LYPLAL1: variants seen among roughly 807,000 people sequenced by gnomAD.
LYPLAL1 encodes the protein lysophospholipase like 1.
A neutral mutation model predicts 19.7 loss-of-function variants in LYPLAL1; 23 were observed. The observed-to-expected ratio is 1.17, with a 90% CI of 0.84 to 1.65. LYPLAL1 has a LOEUF of 1.65. LYPLAL1 is among the 40% of genes most tolerant of loss of function. The probability of loss-of-function intolerance (pLI) is 0.00; values close to 1 mark genes in which losing one functional copy is unlikely to be tolerated. For synonymous variants in LYPLAL1, 119 were observed against 96.3 expected (o/e 1.24, Z -1.38); for missense variants, 355 against 279.4 (o/e 1.27, Z -1.93).
chr1:219,373,882 CAAA>C, the LYPLAL1 span, among the ~76,000 whole-genome samples: 36 of 119,596 alleles, frequency 3.0e-4, no homozygotes, highest in African/African-American at 1.1e-3. Flanking sequence ...AAAAAAAAAA[CAAA>C]AAAAAAAACA....
chr1:219,293,334 AT>A, the LYPLAL1 span, among the ~76,000 whole-genome samples: 3 of 152,198 alleles, frequency 2.0e-5, no homozygotes, highest in African/African-American at 7.2e-5. Context: ...CCCCAAAAAA[AT>A]AGGTTGATTA....
At chr1:219,439,978 T>TATATATAC in the LYPLAL1 span, among the ~76,000 whole-genome samples, 6 of 66,092 alleles carry the variant, frequency 9.1e-5, no homozygotes, top group African/African-American at 3.4e-4. Flanking sequence ...TATATACATA[T>TATATATAC]ATATATATAT....
intron 2 of LYPLAL1, among the ~76,000 whole-genome samples, 158 bp from the exon 3 acceptor site, chr1:219,192,924 A>G (rs1380342193): frequency 2.6e-5 from 4 of 151,760 alleles, no homozygotes; most frequent in Non-Finnish European, 5.9e-5. Context: ...TAGTTAATAC[A>G]ATATACATGA....
rs1343209063 is a variant in LYPLAL1 at position 219,193,109 on chromosome 1, C to T, written c.219C>T (p.Ile73=). Residue 73 remains isoleucine (I), a synonymous_variant, in exon 3 of 5, where the codon ATC becomes ATT. Transcript: ENST00000366928. ...PRSYTPMKGG[I]SNVWFDRFKI... ...CATATACTCCTATGAAAGGAGGAAT[C>T]TCCAATGTATGGTTTGACAGATTTA... is the stretch of plus-strand genomic sequence containing the variant. The T allele has an allele frequency of 4.4e-6, 7 of 1,586,690 alleles. No homozygotes were observed. Among genetic ancestry groups the T allele is most frequent in the Middle Eastern group, 1.7e-4 (1 of 5,948 alleles).
the LYPLAL1 span, among the ~76,000 whole-genome samples, chr1:219,440,215 A>G: frequency 6.6e-6 from 1 of 151,802 alleles, no homozygotes; most frequent in African/African-American, 2.4e-5. Flanking sequence ...TGTAACGTAG[A>G]TTAGATTAAG....
At chr1:219,323,358 G>C in the LYPLAL1 span, among the ~76,000 whole-genome samples, 3 of 152,298 alleles carry the variant, frequency 2.0e-5, no homozygotes, top group South Asian at 6.2e-4. Context: ...CAATAGTCCT[G>C]GTTTCTCAGG....
the LYPLAL1 span, among the ~76,000 whole-genome samples, chr1:219,398,301 C>T: frequency 6.6e-6 from 1 of 152,172 alleles, no homozygotes; most frequent in African/African-American, 2.4e-5. Flanking sequence ...TTCAGAAAGA[C>T]AGTCTTCAGG....
At chr1:219,278,994 A>G in the LYPLAL1 span, among the ~76,000 whole-genome samples, 1 of 152,194 alleles carries the variant, frequency 6.6e-6, no homozygotes, top group African/African-American at 2.4e-5. Context: ...CTCAAGGTTG[A>G]GAATTCCTGG....
At chr1:219,260,223 C>T in the LYPLAL1 span, among the ~76,000 whole-genome samples, 1 of 151,656 alleles carries the variant, frequency 6.6e-6, no homozygotes, top group African/African-American at 2.4e-5. Flanking sequence ...CCATTAAAAT[C>T]AGAGGCATTA....
chr1:219,186,838 T>G (rs1050145769), intron 2 of LYPLAL1, among the ~76,000 whole-genome samples: 1 of 151,972 alleles, frequency 6.6e-6, no homozygotes, highest in Admixed American at 6.6e-5. Flanking sequence ...GTGATTTGTT[T>G]AAGCAATTTA....
At chr1:219,353,579 T>G in the LYPLAL1 span, among the ~76,000 whole-genome samples, 1 of 152,222 alleles carries the variant, frequency 6.6e-6, no homozygotes, top group Non-Finnish European at 1.5e-5. Flanking sequence ...AGGAAAGCTA[T>G]GTTAGACACA....
At chr1:219,342,964 T>C in the LYPLAL1 span, among the ~76,000 whole-genome samples, 1 of 152,198 alleles carries the variant, frequency 6.6e-6, no homozygotes, top group East Asian at 1.9e-4. Context: ...GTTTATTTCA[T>C]GGATGAGGTT....
chr1:219,352,457 G>T, the LYPLAL1 span, among the ~76,000 whole-genome samples: 1 of 152,210 alleles, frequency 6.6e-6, no homozygotes, highest in Non-Finnish European at 1.5e-5. Context: ...GGTGGAGCTT[G>T]CAGTAAGCCG....
the LYPLAL1 span, among the ~76,000 whole-genome samples, chr1:219,429,361 C>T: frequency 2.0e-5 from 3 of 152,122 alleles, no homozygotes; most frequent in Non-Finnish European, 4.4e-5. Flanking sequence ...CAGTGACAGT[C>T]GGGGTGAGAA....
chr1:219,383,500 T>C, the LYPLAL1 span, among the ~76,000 whole-genome samples: 1 of 152,202 alleles, frequency 6.6e-6, no homozygotes, highest in Non-Finnish European at 1.5e-5. Context: ...CTCAGAAATA[T>C]GCACAGGCCA....
the LYPLAL1 span, among the ~76,000 whole-genome samples, chr1:219,442,291 A>ATGTTT: frequency 1.3e-5 from 2 of 152,188 alleles, no homozygotes; most frequent in African/African-American, 4.8e-5. Context: ...AAGTAAATAA[A>ATGTTT]TGTTTTTGAA....
chr1:219,319,881 C>A, the LYPLAL1 span, among the ~76,000 whole-genome samples: 37 of 152,324 alleles, frequency 2.4e-4, no homozygotes, highest in African/African-American at 8.7e-4. Flanking sequence ...CCATCCTGAG[C>A]AACAGGCACA....
chr1:219,430,878 T>C, the LYPLAL1 span, among the ~76,000 whole-genome samples: 1 of 152,170 alleles, frequency 6.6e-6, no homozygotes, highest in African/African-American at 2.4e-5. Context: ...GGTCTCACTA[T>C]ATTGCCCAGG....
At chr1:219,226,020 ACG>A in the LYPLAL1 span, among the ~76,000 whole-genome samples, 2 of 152,214 alleles carry the variant, frequency 1.3e-5, no homozygotes, top group Non-Finnish European at 1.5e-5. Flanking sequence ...GTTTTGAGTG[ACG>A]CAATGCCTTG....
Sources: allele counts gnomAD v4.1 joint callset (sites outside exome capture counted in the v4.1 genomes callset), GRCh38; gene constraint gnomAD v4.1.1; transcripts MANE v1.5; gene names NCBI Gene and HGNC (gene_info 2026-07-23, HGNC 2026-07-21).